Variants in SPATA21 observed in about 807,000 individuals in gnomAD.
SPATA21 encodes spermatogenesis-associated protein 21.
SPATA21 carries 47 observed loss-of-function variants against 54.8 expected under a neutral mutation model. The ratio of observed to expected loss-of-function variants is 0.86; its 90% CI spans 0.68 to 1.09. The LOEUF (loss-of-function observed/expected upper bound fraction) is 1.09. Ranked by LOEUF, SPATA21 falls within the 50% of genes least tolerant of loss-of-function variation. SPATA21 has a pLI of 0.00. For synonymous variants in SPATA21, 245 were observed against 235.3 expected (o/e 1.04, Z -0.38); for missense variants, 599 against 596.4 (o/e 1.00, Z -0.05).
chr1:16,425,879 C>G (rs967056886), intron 3 of SPATA21: 2 of 664,480 alleles, frequency 3.0e-6, no homozygotes, highest in Non-Finnish European at 2.5e-6. Flanking sequence ...ATCATAGACA[C>G]TTTGATGTCA....
chr1:16,422,217 G>T lies in SPATA21; in HGVS notation c.35-246C>A, dbSNP rs118088923. ...GCCCTGTCAAGGACAAGGACACCAC[G>T]GCTGGGGAGCTCCATCCTCGTTCCC... On this transcript the variant is annotated intron_variant, in intron 3 of 12. Coordinates refer to ENST00000335496, the MANE Select transcript of SPATA21 (RefSeq NM_198546.1). 2.4e-4 allele frequency: 347 copies of T among 1,416,530 alleles called. 3 individuals are homozygous for T. In the East Asian group the frequency reaches 7.0e-3, roughly 28 times the overall value. The allele number at this position is 1,416,530 out of a possible 1,614,324, so 87.7% of individuals were successfully genotyped here. A position where few individuals can be genotyped will look rare whatever the true frequency, so the allele number is the denominator to read the frequency against.
chr1:16,436,355 C>G (rs1302176043), intron 1 of SPATA21, among the ~76,000 whole-genome samples: 1 of 149,146 alleles, frequency 6.7e-6, no homozygotes, highest in Non-Finnish European at 1.5e-5. Context: ...CCATTGCACT[C>G]CAGCCTAGAT....
intron 10 of SPATA21, among the ~76,000 whole-genome samples, chr1:16,402,078 G>A (rs1046742966): frequency 5.3e-5 from 8 of 152,100 alleles, no homozygotes; most frequent in Admixed American, 2.0e-4. Flanking sequence ...ACAACCCTAC[G>A]GGTCTCACCT....
intron 3 of SPATA21, among the ~76,000 whole-genome samples, chr1:16,424,245 A>C (rs965359085): frequency 2.7e-5 from 3 of 112,588 alleles, no homozygotes; most frequent in Non-Finnish European, 5.6e-5. Flanking sequence ...CCTGGGAGGC[A>C]GAGCTTGCAG....
At chr1:16,431,147 T>A in intron 3 of SPATA21, 191 bp downstream of exon 3, 1 of 1,363,948 alleles carries the variant, frequency 7.3e-7, no homozygotes, top group Admixed American at 2.7e-5. Flanking sequence ...TTTAACAGAG[T>A]CTTAATTAAA....
At chr1:16,432,115 T>TTCTTC (rs1491189169) in intron 2 of SPATA21, among the ~76,000 whole-genome samples, 1 of 48,616 alleles carries the variant, frequency 2.1e-5, no homozygotes, top group East Asian at 1.3e-3. Flanking sequence ...CTTCTTCTTC[T>TTCTTC]TTTTTTTTTT....
rs1182094760 is a variant in SPATA21, at chr1:16,404,299, G to A, written c.812-260C>T. Reference sequence around the variant, plus strand: ...TACATGGCCAACATGGTGAAATCCCGTCTCTACTAAAAATACAAAAATTAG... The same window carrying A: ...TACATGGCCAACATGGTGAAATCCCATCTCTACTAAAAATACAAAAATTAG... On this transcript the variant is annotated intron_variant, in intron 8 of 12. Transcript: ENST00000335496. Among the ~76,000 whole-genome samples, 7 of 151,936 alleles carry A rather than the reference G, an allele frequency of 4.6e-5. No individual in the cohort carries two copies. In the East Asian group the frequency reaches 7.7e-4, roughly 17 times the overall value.
chr1:16,407,724 C>T (rs760000787), intron 7 of SPATA21, among the ~76,000 whole-genome samples: 1 of 151,870 alleles, frequency 6.6e-6, no homozygotes, highest in Non-Finnish European at 1.5e-5. Context: ...TCCCAAAGTG[C>T]TGGGATTACA....
At chr1:16,410,221 A>G (rs961694752) in intron 5 of SPATA21, among the ~76,000 whole-genome samples, 178 bp from the exon 6 acceptor site, 2 of 152,006 alleles carry the variant, frequency 1.3e-5, no homozygotes. Context: ...GTCCTCCCCA[A>G]CACTTGACTT....
rs1206181217 is a variant in SPATA21 at position 16,432,129 on chromosome 1, T to C, written c.-52+661A>G. Among the ~76,000 whole-genome samples, 21 of 148,928 alleles carry C rather than the reference T, an allele frequency of 1.4e-4. No homozygotes were observed. In the South Asian group the frequency reaches 4.2e-3, roughly 30 times the overall value. On this transcript the variant is annotated intron_variant, in intron 2 of 12. Transcript: ENST00000335496. ...TCTTCTTCTTCTTTTTTTTTTTTTTTTGTTTGTTTTGAGACAGAGTCTCGC... is the reference window on the plus strand; with the variant it reads ...TCTTCTTCTTCTTTTTTTTTTTTTTCTGTTTGTTTTGAGACAGAGTCTCGC...
rs2085356234 is a variant in SPATA21, at chr1:16,398,821, C to G, written c.1354G>C (p.Glu452Gln). Residue 452 changes from glutamate to glutamine, a missense_variant and splice_region_variant, in exon 13 of 13, where the codon GAA (glutamate) becomes CAA (glutamine). Coordinates refer to ENST00000335496, the MANE Select transcript of SPATA21 (RefSeq NM_198546.1). ...CACTTTCTGCTGTCAGAGTTGTGTT[C>G]CCTGGGGAGAGGAGTAGGGCAGAAG... ...FFQSGSQGNR[E>Q]HNSDSRKWLS... 1 of 1,612,344 alleles carries G rather than the reference C, an allele frequency of 6.2e-7. No homozygotes were observed. Among genetic ancestry groups the G allele is most frequent in the African/African-American group, 1.3e-5 (1 of 74,274 alleles).
At position 16,422,152 on chromosome 1, in the gene SPATA21, C is replaced by T. The variant is rs1489912612; in HGVS notation, c.35-181G>A. On this transcript the variant is annotated intron_variant, in intron 3 of 12. Coordinates refer to ENST00000335496, the MANE Select transcript of SPATA21 (RefSeq NM_198546.1). ...CGGCAGCAAGGCTCTGCTGGCTGCACCATGTCTGCCTGGTGACTGGGGGTG... is the reference window on the plus strand; with the variant it reads ...CGGCAGCAAGGCTCTGCTGGCTGCATCATGTCTGCCTGGTGACTGGGGGTG... 9 of 1,458,502 alleles carry T rather than the reference C, an allele frequency of 6.2e-6. No individual in the cohort carries two copies. The East Asian group carries it at 2.0e-4, about 32-fold the overall frequency. The allele number at this position is 1,458,502 out of a possible 1,614,324, so 90.3% of individuals were successfully genotyped here. A position where few individuals can be genotyped will look rare whatever the true frequency, so the allele number is the denominator to read the frequency against.
At chr1:16,397,804 C>T (rs2085337544), downstream of SPATA21, 1 of 174,858 alleles carries the variant, frequency 5.7e-6, no homozygotes, top group South Asian at 1.9e-4. The surrounding 1 kb of genome is among the most constrained non-coding windows in gnomAD (Gnocchi z 5.4). Context: ...GCCCATCTGC[C>T]CCGCCCAGCC....
chr1:16,431,691 G>A (rs2086462321), intron 2 of SPATA21, among the ~76,000 whole-genome samples: 3 of 152,174 alleles, frequency 2.0e-5, no homozygotes, highest in East Asian at 1.9e-4. Context: ...GGTCGCAGAC[G>A]AGGATTTGAA....
At chr1:16,417,122 C>CTCTG (rs2086031071) in intron 5 of SPATA21, among the ~76,000 whole-genome samples, 1 of 152,224 alleles carries the variant, frequency 6.6e-6, no homozygotes, top group Non-Finnish European at 1.5e-5. Context: ...TTTTCAGCCG[C>CTCTG]TCTGTCCATT....
intron 10 of SPATA21, among the ~76,000 whole-genome samples, chr1:16,401,461 G>T (rs757049157): frequency 2.6e-5 from 4 of 152,002 alleles, no homozygotes; most frequent in Non-Finnish European, 4.4e-5. Context: ...ACACCCAGCT[G>T]ATTTTTTTAT....
chr1:16,408,110 G>A (rs1272228572), intron 7 of SPATA21, among the ~76,000 whole-genome samples: 2 of 152,170 alleles, frequency 1.3e-5, no homozygotes, highest in African/African-American at 2.4e-5. Context: ...CTTCAAGGAT[G>A]GGGTCACAGG....
intron 5 of SPATA21, among the ~76,000 whole-genome samples, chr1:16,419,260 G>T (rs77093060): frequency 6.6e-6 from 1 of 152,310 alleles, no homozygotes; most frequent in East Asian, 1.9e-4. Flanking sequence ...CCTGGGGTGA[G>T]ACTAGGCTTA....
chr1:16,403,343 G>A (rs932122577), intron 10 of SPATA21, among the ~76,000 whole-genome samples: 8 of 152,288 alleles, frequency 5.3e-5, no homozygotes, highest in South Asian at 4.1e-4. Flanking sequence ...AAGCCAGTGC[G>A]CACAGACATG....
Sources: allele counts gnomAD v4.1 joint callset (sites outside exome capture counted in the v4.1 genomes callset), GRCh38; gene constraint gnomAD v4.1.1; non-coding constraint Gnocchi (gnomAD v3.1); transcripts MANE v1.5; gene names NCBI Gene and HGNC (gene_info 2026-07-23, HGNC 2026-07-21).